The following ADGRL2 variants were observed in gnomAD, a reference collection of about 807,000 sequenced individuals.
ADGRL2 encodes calcium-independent alpha-latrotoxin receptor 2.
A neutral mutation model predicts 157.4 loss-of-function variants in ADGRL2; 44 were observed. That is an observed-to-expected ratio of 0.28 (90% CI 0.22 to 0.36). ADGRL2 has a LOEUF of 0.36. Among genes scored for constraint, ADGRL2 ranks in the 10% least tolerant of loss-of-function variants. The pLI is 1.00. For missense variants in ADGRL2, 1,510 were observed against 1,768.9 expected, an observed-to-expected ratio of 0.85 and a Z score of 2.63; for synonymous variants, 585 against 624.7, an observed-to-expected ratio of 0.94 and a Z score of 0.95.
chr1:81,508,150 A>T (rs565482506), intron 2 of ADGRL2, among the ~76,000 whole-genome samples: 1 of 152,250 alleles, frequency 6.6e-6, no homozygotes, highest in Admixed American at 6.5e-5. Context: ...CACTGAAATA[A>T]CACAATTCAT....
At chr1:81,838,841 A>T (rs2150234470) in intron 2 of ADGRL2, among the ~76,000 whole-genome samples, 1 of 152,114 alleles carries the variant, frequency 6.6e-6, no homozygotes, top group Middle Eastern at 3.4e-3. Flanking sequence ...TGTTAGGAGA[A>T]ATTTCATTTT....
chr1:81,471,512 A>G (rs2078171032), intron 2 of ADGRL2, among the ~76,000 whole-genome samples: 1 of 152,210 alleles, frequency 6.6e-6, no homozygotes. Context: ...ATGATTAAAT[A>G]ACGTACTCCC....
chr1:81,866,145 T>C (rs2093536863), intron 2 of ADGRL2, among the ~76,000 whole-genome samples: 1 of 152,178 alleles, frequency 6.6e-6, no homozygotes, highest in Admixed American at 6.6e-5. Context: ...TGCTCTTTTC[T>C]TCTTTCTAAA....
At chr1:81,906,896 G>A in intron 2 of ADGRL2, 121 bp from the exon 3 acceptor site, 1 of 757,276 alleles carries the variant, frequency 1.3e-6, no homozygotes, top group Non-Finnish European at 2.1e-6. Context: ...TTTAATAAAT[G>A]CCTGAATTTT....
At chr1:81,636,108 AC>A (rs1014080804) in intron 3 of ADGRL2, among the ~76,000 whole-genome samples, 3 of 152,090 alleles carry the variant, frequency 2.0e-5, no homozygotes, top group African/African-American at 7.2e-5. Context: ...AGACTGGCTG[AC>A]CTAAGGCCTT....
At chr1:81,536,557 A>T (rs1253939307) in intron 2 of ADGRL2, among the ~76,000 whole-genome samples, 2 of 152,118 alleles carry the variant, frequency 1.3e-5, no homozygotes, top group African/African-American at 4.8e-5. Flanking sequence ...CTATCTTCAG[A>T]ATTTGCTTTG....
At chr1:81,572,955 C>T (rs546477442) in intron 2 of ADGRL2, among the ~76,000 whole-genome samples, 1 of 150,908 alleles carries the variant, frequency 6.6e-6, no homozygotes, top group East Asian at 1.9e-4. Flanking sequence ...TTGACAAATA[C>T]TACCAAATAT....
Position 81,307,243 on chromosome 1 carries a change from G to A in ADGRL2, c.-302+734G>A, listed in dbSNP as rs560187061. Among the ~76,000 whole-genome samples, 4 of 152,290 alleles carry A rather than the reference G, an allele frequency of 2.6e-5. No homozygotes were observed. In the South Asian group the frequency reaches 8.3e-4, roughly 32 times the overall value. Reference sequence around the variant, plus strand: ...TCAATTTTTGAGAATGATTTCAATAGCCAAATGATTAGGTTTGGATTAAAA... The same window carrying A: ...TCAATTTTTGAGAATGATTTCAATAACCAAATGATTAGGTTTGGATTAAAA... On this transcript the variant is annotated intron_variant, in intron 1 of 24. Transcript: ENST00000370721.
At chr1:81,643,086 T>G (rs2082251517) in intron 3 of ADGRL2, among the ~76,000 whole-genome samples, 1 of 152,110 alleles carries the variant, frequency 6.6e-6, no homozygotes, top group Non-Finnish European at 1.5e-5. Context: ...GCAAATGCAC[T>G]AAGACAAGAA....
intron 2 of ADGRL2, among the ~76,000 whole-genome samples, chr1:81,880,449 G>A (rs1009672338): frequency 6.6e-6 from 1 of 152,138 alleles, no homozygotes; most frequent in Non-Finnish European, 1.5e-5. Flanking sequence ...CAAGGTTCAG[G>A]TTCTTGTCTC....
intron 2 of ADGRL2, among the ~76,000 whole-genome samples, chr1:81,875,832 C>T (rs533487275): frequency 6.6e-6 from 1 of 152,128 alleles, no homozygotes; most frequent in East Asian, 1.9e-4. Flanking sequence ...TCAAAATGTT[C>T]CAGAGAGGTA....
At chr1:81,658,465 A>G (rs56113608) in intron 3 of ADGRL2, among the ~76,000 whole-genome samples, 2,687 of 152,300 alleles carry the variant, frequency 0.018, 34 homozygotes, top group South Asian at 0.051. Flanking sequence ...TTTGTTACAC[A>G]GATATGTTAC....
At chr1:81,512,035 T>C (rs1410570276) in intron 2 of ADGRL2, among the ~76,000 whole-genome samples, 1 of 152,182 alleles carries the variant, frequency 6.6e-6, no homozygotes, top group East Asian at 1.9e-4. Flanking sequence ...TTAGGATGGC[T>C]TTTACCTCAT....
At chr1:81,940,910 A>C (rs766859259) in intron 4 of ADGRL2, among the ~76,000 whole-genome samples, 2 of 147,976 alleles carry the variant, frequency 1.4e-5, no homozygotes, top group African/African-American at 2.5e-5. Context: ...TAACTTCATA[A>C]TCTGTTTCTT....
intron 2 of ADGRL2, among the ~76,000 whole-genome samples, chr1:81,543,854 C>T (rs1419178233): frequency 1.3e-5 from 2 of 152,208 alleles, no homozygotes; most frequent in African/African-American, 4.8e-5. Context: ...TCTCCTTTTG[C>T]CTGCTCAGCT....
chr1:81,979,284 G>GA (rs1299242348), intron 17 of ADGRL2, among the ~76,000 whole-genome samples: 2 of 151,314 alleles, frequency 1.3e-5, no homozygotes, highest in East Asian at 3.9e-4. Context: ...CAGAGACATA[G>GA]AAAAAAAAGA....
chr1:81,856,504 T>C (rs1237025895), intron 2 of ADGRL2, among the ~76,000 whole-genome samples: 1 of 152,140 alleles, frequency 6.6e-6, no homozygotes, highest in East Asian at 1.9e-4. Flanking sequence ...GCTGGTAGGG[T>C]CTCAACTGTC....
At chr1:81,818,109 G>C (rs1322063099) in intron 1 of ADGRL2, among the ~76,000 whole-genome samples, 1 of 152,020 alleles carries the variant, frequency 6.6e-6, no homozygotes, top group Non-Finnish European at 1.5e-5. Flanking sequence ...GTACGAGGCT[G>C]CATTGAGCTA....
At chr1:81,559,098 C>T (rs1009480606) in intron 2 of ADGRL2, among the ~76,000 whole-genome samples, 2 of 152,072 alleles carry the variant, frequency 1.3e-5, no homozygotes, top group African/African-American at 4.8e-5. Context: ...TGGTCATCTT[C>T]CCACCATATG....
Sources: gnomAD v4.1 joint callset for allele counts (sites outside exome capture counted in the v4.1 genomes callset) on GRCh38, gnomAD v4.1.1 for gene constraint, MANE v1.5 for transcripts, NCBI Gene and HGNC (gene_info 2026-07-23, HGNC 2026-07-21) for gene names.